The following PLEKHM3 variants were observed in gnomAD, a reference collection of about 807,000 sequenced individuals.
PLEKHM3 encodes pleckstrin homology domain-containing family M member 3.
In PLEKHM3, 45 loss-of-function variants were observed where a neutral mutation model predicts 81.8. The ratio of observed to expected loss-of-function variants is 0.55; its 90% CI spans 0.43 to 0.71. The LOEUF (loss-of-function observed/expected upper bound fraction) is 0.71, where lower values mean the gene tolerates loss of function less well. Ranked by LOEUF, PLEKHM3 falls within the 30% of genes least tolerant of loss-of-function variation. The pLI, the probability that PLEKHM3 is intolerant of heterozygous loss-of-function variation, is 0.00. For synonymous variants in PLEKHM3, 352 were observed against 356.4 expected (o/e 0.99, Z 0.14); for missense variants, 788 against 924.3 (o/e 0.85, Z 1.91).
intron 5 of PLEKHM3, among the ~76,000 whole-genome samples, chr2:207,929,266 CATGG>C (rs1689508253): frequency 6.6e-6 from 1 of 152,246 alleles, no homozygotes; most frequent in South Asian, 2.1e-4. Context: ...AGGCACAGTA[CATGG>C]TGGTAAACCA....
rs1475090238 is a variant in PLEKHM3, at chr2:207,976,277, T to C, written c.1546+374A>G. Among the ~76,000 whole-genome samples the C allele has an allele frequency of 6.6e-6, 1 of 152,236 alleles. No individual in the cohort carries two copies. ...GTCAGCTTTGGACTTGAATGTTTCT[T>C]ATGAGACAATTTGTGACATCCATAT... On this transcript the variant is annotated intron_variant, in intron 3 of 7. Coordinates refer to ENST00000427836, the MANE Select transcript of PLEKHM3 (RefSeq NM_001080475.3). The surrounding 1 kb of genome is among the most constrained non-coding windows in gnomAD (Gnocchi z 4.1).
At chr2:207,880,546 G>A (rs1224004172) in intron 6 of PLEKHM3, among the ~76,000 whole-genome samples, 3 of 150,368 alleles carry the variant, frequency 2.0e-5, no homozygotes, top group African/African-American at 4.9e-5. Flanking sequence ...GGCGGATCAC[G>A]AGGTCAGGAG....
At chr2:207,872,927 A>C (rs1019611137) in intron 6 of PLEKHM3, among the ~76,000 whole-genome samples, 1 of 152,208 alleles carries the variant, frequency 6.6e-6, no homozygotes, top group Non-Finnish European at 1.5e-5. Flanking sequence ...AAAAACAGAA[A>C]GCAAAACAAA....
intron 7 of PLEKHM3, 29 bp from the exon 8 acceptor site, chr2:207,828,525 G>A (rs756510973): frequency 1.9e-6 from 3 of 1,606,372 alleles, no homozygotes; most frequent in East Asian, 2.2e-5. Flanking sequence ...GATATGATGA[G>A]CAAGACTGAA....
chr2:207,855,443 C>T lies in PLEKHM3; in HGVS notation c.2108+5662G>A, dbSNP rs114617736. On this transcript the variant is annotated intron_variant, in intron 7 of 7. Coordinates refer to ENST00000427836, the MANE Select transcript of PLEKHM3 (RefSeq NM_001080475.3). The stretch of plus-strand genomic sequence containing the variant: ...AATAAGTGAGGAAGAGACAGATCTC[C>T]CATGTGGAAGGATTCTAAATAACTG... Among the ~76,000 whole-genome samples the T allele has an allele frequency of 1.5e-3, 225 of 152,246 alleles. 2 individuals are homozygous for T. Among genetic ancestry groups the T allele is most frequent in the African/African-American group, 5.1e-3 (213 of 41,544 alleles).
rs889612458 is a variant in PLEKHM3 at position 207,915,064 on chromosome 2, T to C, written c.1887-6487A>G. On this transcript the variant is annotated intron_variant, in intron 5 of 7. Transcript: ENST00000427836. ...CCGAGTTTCCTGGTAGCAAAGAACATTGAAGAAACGTGCTAGAAGATCATG... is the reference window on the plus strand; with the variant it reads ...CCGAGTTTCCTGGTAGCAAAGAACACTGAAGAAACGTGCTAGAAGATCATG... Among the ~76,000 whole-genome samples the C allele has an allele frequency of 1.1e-4, 16 of 152,320 alleles. No homozygotes were observed. In the East Asian group the frequency reaches 1.4e-3, roughly 13 times the overall value.
Position 207,931,000 on chromosome 2 carries a change from C to A in PLEKHM3, c.1812G>T (p.Leu604=), listed in dbSNP as rs1689576724. 4 of 1,613,768 alleles carry A rather than the reference C, an allele frequency of 2.5e-6. No homozygotes were observed. The highest frequency in any genetic ancestry group is 3.4e-6 in the Non-Finnish European group (4 of 1,179,818). Residue 604 remains leucine, a synonymous_variant, in exon 5 of 8, where the codon CTG becomes CTT. Transcript: ENST00000427836. ...HAEPLAAVLR[L]RQRLKSLRAY... is the part of the protein sequence containing the mutation. ...CTCGGAGCGACTTCAGCCGCTGCCG[C>A]AGCCGCAGCACGGCGGCCAGCGGCT... is the stretch of plus-strand genomic sequence containing the variant.
chr2:208,013,152 T>C (rs1692756767), intron 1 of PLEKHM3, among the ~76,000 whole-genome samples: 1 of 152,206 alleles, frequency 6.6e-6, no homozygotes. Context: ...ATACAGAGAT[T>C]ACTTCAGTCG....
chr2:207,957,254 G>T (rs1385991406), intron 3 of PLEKHM3, among the ~76,000 whole-genome samples: 1 of 152,150 alleles, frequency 6.6e-6, no homozygotes, highest in Non-Finnish European at 1.5e-5. Flanking sequence ...CCCCCTTATT[G>T]TAAAAATCAG....
intron 6 of PLEKHM3, among the ~76,000 whole-genome samples, chr2:207,895,558 T>A (rs1335882912): frequency 1.3e-5 from 2 of 152,172 alleles, no homozygotes; most frequent in Admixed American, 1.3e-4. Context: ...AAAGCTTCCC[T>A]TATGGTGCCC....
chr2:207,977,944 G>A (rs533494745), intron 2 of PLEKHM3, among the ~76,000 whole-genome samples: 2 of 152,108 alleles, frequency 1.3e-5, no homozygotes, highest in East Asian at 1.9e-4. Context: ...AAAATTAGCT[G>A]GGCATGGTGG....
chr2:207,841,645 A>G (rs892998441), intron 7 of PLEKHM3, among the ~76,000 whole-genome samples: 1 of 151,228 alleles, frequency 6.6e-6, no homozygotes, highest in African/African-American at 2.4e-5. Context: ...CCAAATGGCT[A>G]ATTAGTTCCC....
intron 6 of PLEKHM3, among the ~76,000 whole-genome samples, chr2:207,883,246 G>T (rs1574368469): frequency 1.3e-5 from 2 of 152,314 alleles, no homozygotes; most frequent in East Asian, 3.9e-4. Flanking sequence ...AAAACTGAAA[G>T]AATTTCAGAT....
intron 6 of PLEKHM3, among the ~76,000 whole-genome samples, chr2:207,866,895 T>C (rs1331233365): frequency 1.3e-5 from 2 of 152,212 alleles, no homozygotes; most frequent in Admixed American, 6.5e-5. Context: ...TGATGCTGTT[T>C]TGTACTCTTT....
chr2:207,880,655 T>C (rs1268468747), intron 6 of PLEKHM3, among the ~76,000 whole-genome samples: 1 of 132,590 alleles, frequency 7.5e-6, no homozygotes, highest in Non-Finnish European at 1.6e-5. Flanking sequence ...CCCAGCTACT[T>C]GGGAGGCTGA....
intron 5 of PLEKHM3, among the ~76,000 whole-genome samples, chr2:207,927,550 CTGGG>C (rs1314625390): frequency 6.9e-6 from 1 of 143,968 alleles, no homozygotes; most frequent in Non-Finnish European, 1.5e-5. Context: ...GTGTGGCTGG[CTGGG>C]TGTGGTGGCT....
chr2:207,925,174 T>TA (rs1216994907), intron 5 of PLEKHM3, among the ~76,000 whole-genome samples: 4 of 144,124 alleles, frequency 2.8e-5, no homozygotes, highest in South Asian at 2.2e-4. Context: ...AGAGGGCAGG[T>TA]AAAAAAATTA....
At chr2:207,842,233 C>T (rs972997874) in intron 7 of PLEKHM3, among the ~76,000 whole-genome samples, 1 of 152,136 alleles carries the variant, frequency 6.6e-6, no homozygotes, top group Non-Finnish European at 1.5e-5. Context: ...CGCGCCTGGC[C>T]CCCATCTTTT....
intron 4 of PLEKHM3, among the ~76,000 whole-genome samples, chr2:207,944,001 T>C (rs1400615854): frequency 1.3e-5 from 2 of 152,032 alleles, no homozygotes; most frequent in Non-Finnish European, 2.9e-5. Context: ...TCAATTTTAG[T>C]AGCAAAACTG....
Sources: allele counts gnomAD v4.1 joint callset (sites outside exome capture counted in the v4.1 genomes callset), GRCh38; gene constraint gnomAD v4.1.1; non-coding constraint Gnocchi (gnomAD v3.1); transcripts MANE v1.5; gene names NCBI Gene and HGNC (gene_info 2026-07-23, HGNC 2026-07-21).